PER3: variants seen among roughly 807,000 people sequenced by gnomAD.
PER3 encodes period circadian regulator 3.
In PER3, 107 loss-of-function variants were observed where a neutral mutation model predicts 127.2. That is an observed-to-expected ratio of 0.84 (90% CI 0.72 to 0.99). PER3 has a LOEUF of 0.99. Ranked by LOEUF, PER3 falls within the 50% of genes least tolerant of loss-of-function variation. The pLI is 0.00. For synonymous variants in PER3, 618 were observed against 585.8 expected (o/e 1.05, Z -0.79); for missense variants, 1,560 against 1,525.8 (o/e 1.02, Z -0.37).
At position 7,793,979 on chromosome 1, in the gene PER3, T is replaced by C. The variant is rs137991591; in HGVS notation, c.615T>C (p.Ala205=). Residue 205 remains alanine (A), a synonymous_variant, in exon 6 of 22, where the codon GCT becomes GCC. Transcript: ENST00000377532. The stretch of plus-strand genomic sequence containing the variant: ...TAGCAGCTGCACGGTATGAATGTGC[T>C]CCGGTGAAACCTTTTTTCTGCAGGA... The part of the protein sequence containing the change: ...TQRAAARYEC[A]PVKPFFCRIR... 6.2e-7 allele frequency: 1 copy of C among 1,613,956 alleles called. No individual in the cohort carries two copies. The highest frequency in any genetic ancestry group is 1.3e-5 in the African/African-American group (1 of 74,924).
At chr1:7,819,967 G>A (rs1269156527) in intron 14 of PER3, 148 bp from the exon 15 acceptor site, 1 of 747,914 alleles carries the variant, frequency 1.3e-6, no homozygotes, top group Non-Finnish European at 2.3e-6. Flanking sequence ...ACAATCCAGT[G>A]ATTGAGGCTG....
At chr1:7,841,117 A>G (rs1483550870) in intron 21 of PER3, among the ~76,000 whole-genome samples, 6 of 152,226 alleles carry the variant, frequency 3.9e-5, no homozygotes, top group African/African-American at 7.2e-5. Context: ...ACAATAGTTA[A>G]TGAGCTAAAA....
intron 4 of PER3, chr1:7,787,253 T>A: frequency 1.2e-6 from 1 of 860,054 alleles, no homozygotes; most frequent in Non-Finnish European, 1.4e-6. Flanking sequence ...ACAGGTGAGT[T>A]GAGATGCTGT....
intron 10 of PER3, among the ~76,000 whole-genome samples, chr1:7,807,666 T>A (rs1306933460): frequency 6.6e-6 from 1 of 152,182 alleles, no homozygotes; most frequent in Non-Finnish European, 1.5e-5. Flanking sequence ...TCCTACTTTC[T>A]GGGTTGTTGT....
chr1:7,840,798 G>C (rs989270156), intron 21 of PER3, among the ~76,000 whole-genome samples: 23 of 151,076 alleles, frequency 1.5e-4, no homozygotes, highest in African/African-American at 5.6e-4. Flanking sequence ...CCCAGAGATG[G>C]AGCCTCACTC....
intron 5 of PER3, among the ~76,000 whole-genome samples, chr1:7,792,216 C>T (rs1396258240): frequency 3.3e-5 from 5 of 152,132 alleles, no homozygotes; most frequent in Non-Finnish European, 7.4e-5. Flanking sequence ...CAGACGGGGA[C>T]ATGTCCTTCA....
chr1:7,836,900 G>A (rs894852549), intron 20 of PER3, 99 bp from the exon 21 acceptor site: 10 of 793,130 alleles, frequency 1.3e-5, no homozygotes, highest in Admixed American at 1.0e-4. Context: ...GAAAATGTAA[G>A]GTGTATTACC....
chr1:7,830,760 C>G (rs968916208), intron 19 of PER3, among the ~76,000 whole-genome samples: 2 of 152,156 alleles, frequency 1.3e-5, no homozygotes, highest in African/African-American at 4.8e-5. Context: ...GCCGTGATGC[C>G]TTTGTTGAAA....
chr1:7,813,651 T>A (rs1375837514), intron 13 of PER3, among the ~76,000 whole-genome samples: 1 of 152,092 alleles, frequency 6.6e-6, no homozygotes, highest in Non-Finnish European at 1.5e-5. Flanking sequence ...CTAGAGGAAT[T>A]TGAAAGCTGT....
intron 10 of PER3, among the ~76,000 whole-genome samples, chr1:7,804,873 C>CT (rs35036651): frequency 0.49 from 69,712 of 143,324 alleles, 17,603 homozygotes; most frequent in Admixed American, 0.61. Context: ...ATCTTTAGTC[C>CT]TTTTTTTTTT....
chr1:7,821,137 TCTA>T (rs1193261184), intron 16 of PER3, among the ~76,000 whole-genome samples: 1 of 152,260 alleles, frequency 6.6e-6, no homozygotes, highest in Non-Finnish European at 1.5e-5. Flanking sequence ...GGTAAATTAT[TCTA>T]CTGTCTTCTT....
chr1:7,808,847 C>A, intron 10 of PER3, 46 bp from the exon 11 acceptor site: 1 of 992,010 alleles, frequency 1.0e-6, no homozygotes, highest in Non-Finnish European at 1.6e-6. Context: ...TCACTTTCGA[C>A]TTCATTTAAA....
At chr1:7,791,784 G>A (rs1473431440) in intron 5 of PER3, among the ~76,000 whole-genome samples, 1 of 152,136 alleles carries the variant, frequency 6.6e-6, no homozygotes, top group Admixed American at 6.5e-5. Context: ...TCTAGGCCAG[G>A]AGCAAAAGTT....
At chr1:7,793,276 A>G (rs2097130152) in intron 5 of PER3, among the ~76,000 whole-genome samples, 1 of 152,216 alleles carries the variant, frequency 6.6e-6, no homozygotes, top group African/African-American at 2.4e-5. Context: ...CAGTCCCCTC[A>G]TCTCCTAAGG....
At chr1:7,800,754 G>T (rs899677072) in intron 7 of PER3, among the ~76,000 whole-genome samples, 2 of 150,700 alleles carry the variant, frequency 1.3e-5, no homozygotes, top group Non-Finnish European at 2.9e-5. Flanking sequence ...TTGAACCTGG[G>T]AGGTGGAGGT....
At chr1:7,792,137 A>G (rs1400354026) in intron 5 of PER3, among the ~76,000 whole-genome samples, 1 of 152,196 alleles carries the variant, frequency 6.6e-6, no homozygotes, top group Non-Finnish European at 1.5e-5. Flanking sequence ...GGTAATTTCT[A>G]AAGGAAAGAG....
In PER3 at chr1:7,826,607, G is replaced by A. The variant is rs759225001; in HGVS notation, c.2085G>A (p.Glu695=). 3 of 1,613,444 alleles carry A rather than the reference G, an allele frequency of 1.9e-6. No homozygotes were observed. The highest frequency in any genetic ancestry group is 1.7e-5 in the Admixed American group (1 of 60,008). ...AVLSAHTQKE[E]QNYVDKFREK... Reference sequence around the variant, plus strand: ...TGTCAGCGCACACCCAGAAGGAAGAGCAGAATTATGTTGATAAATTCCGAG... The same window carrying A: ...TGTCAGCGCACACCCAGAAGGAAGAACAGAATTATGTTGATAAATTCCGAG... The change falls in exon 17 of 22, where the codon GAG becomes GAA. Residue 695 remains glutamate, a synonymous_variant. Coordinates refer to ENST00000377532, the MANE Select transcript of PER3 (RefSeq NM_001377275.1). The surrounding 1 kb of genome is among the most constrained non-coding windows in gnomAD (Gnocchi z 4.2).
intron 6 of PER3, 106 bp downstream of exon 6, chr1:7,794,114 C>G: frequency 1.1e-6 from 1 of 921,352 alleles, no homozygotes; most frequent in South Asian, 1.3e-5. Context: ...TTGCGAGATA[C>G]AAAAAATAAG....
intron 10 of PER3, among the ~76,000 whole-genome samples, chr1:7,806,890 A>G (rs982945154): frequency 6.7e-6 from 1 of 149,382 alleles, no homozygotes; most frequent in African/African-American, 2.5e-5. Flanking sequence ...AATTTTCACA[A>G]CTAGGAATAT....
Sources: allele counts gnomAD v4.1 joint callset (sites outside exome capture counted in the v4.1 genomes callset), GRCh38; gene constraint gnomAD v4.1.1; non-coding constraint Gnocchi (gnomAD v3.1); transcripts MANE v1.5; gene names NCBI Gene and HGNC (gene_info 2026-07-23, HGNC 2026-07-21).